Variants in LILRA6 observed in about 807,000 individuals in gnomAD.
The protein encoded by LILRA6 is leukocyte immunoglobulin-like receptor subfamily A member 6.
A neutral mutation model predicts 53.9 loss-of-function variants in LILRA6; 16 were observed. The observed-to-expected ratio is 0.30, with a 90% CI of 0.20 to 0.45. The LOEUF (loss-of-function observed/expected upper bound fraction) is 0.45. Among genes scored for constraint, LILRA6 ranks in the 20% least tolerant of loss-of-function variants. LILRA6 has a pLI of 1.00. For missense variants in LILRA6, 306 were observed against 618.6 expected (o/e 0.49, Z 5.36); for synonymous variants, 135 against 256.4 (o/e 0.53, Z 4.52).
chr19:54,240,883 G>A, exon 5 of LILRA6: 2 of 1,614,060 alleles, frequency 1.2e-6, no homozygotes, highest in Non-Finnish European at 1.7e-6. Context: ...CGGAGGAGAG[G>A]TTGTGTGCAC....
chr19:54,239,623 GCCTGAC>G lies in LILRA6; in HGVS notation c.1309+272_1309+277del, dbSNP rs2078693089. Reference sequence around the variant, plus strand: ...GACCACGAGCTCCAGGGAGTCACTGGCCTGACCCTGGGGGGTTGAGGGGCTGGTCCT... The same window carrying G: ...GACCACGAGCTCCAGGGAGTCACTGGCCTGGGGGGTTGAGGGGCTGGTCCT... On this transcript the variant is annotated intron_variant, in intron 7 of 7. Coordinates refer to ENST00000396365, the Ensembl canonical transcript of LILRA6. The G allele has an allele frequency of 2.2e-6, 3 of 1,345,608 alleles. No individual in the cohort carries two copies. The African/African-American group carries it at 4.6e-5, about 21-fold the overall frequency. The allele number at this position is 1,345,608 out of a possible 1,614,324, so 83.4% of individuals were successfully genotyped here.
At chr19:54,239,147 C>A in intron 7 of LILRA6, 58 bp from the exon 8 acceptor site, 1 of 1,603,630 alleles carries the variant, frequency 6.2e-7, no homozygotes, top group Non-Finnish European at 8.5e-7. Flanking sequence ...TCACCCAGGA[C>A]CCCTGGATGC....
chr19:54,239,401 C>T (rs2078687400), intron 7 of LILRA6: 2 of 677,854 alleles, frequency 3.0e-6, no homozygotes, highest in Non-Finnish European at 4.7e-6. Context: ...GGGCTCCCTC[C>T]AGTCTCCTCA....
chr19:54,239,174 C>A (rs188581176), intron 7 of LILRA6, 85 bp from the exon 8 acceptor site: 2 of 1,592,522 alleles, frequency 1.3e-6, no homozygotes, highest in East Asian at 2.3e-5. Flanking sequence ...CAGGGCACCC[C>A]CCATCCGCCA....
downstream of LILRA6, chr19:54,237,906 GT>G (rs1191826594): frequency 6.6e-6 from 1 of 150,642 alleles, no homozygotes; most frequent in Non-Finnish European, 1.5e-5. Flanking sequence ...TTTTATGGCT[GT>G]TGTGTAATAT....
intron 3 of LILRA6, 57 bp downstream of exon 3, chr19:54,241,969 G>T (rs77638337): frequency 0.088 from 84,848 of 969,304 alleles, 22,239 homozygotes; most frequent in South Asian, 0.2. Flanking sequence ...ACCCCTGAGA[G>T]CCGACCCCCT....
intron 7 of LILRA6, 125 bp downstream of exon 7, chr19:54,239,776 C>T (rs1428606224): frequency 1.9e-6 from 3 of 1,550,676 alleles, no homozygotes; most frequent in East Asian, 4.9e-5. Flanking sequence ...CCCCACTCTT[C>T]ACCAGCCCAG....
At chr19:54,242,118 A>G (rs1227626560) in exon 3 of LILRA6, 1 of 1,391,674 alleles carries the variant, frequency 7.2e-7, no homozygotes, top group Non-Finnish European at 9.7e-7. Flanking sequence ...GTGCTCTGTT[A>G]TGGATGGGAT....
downstream of LILRA6, chr19:54,237,033 T>A (rs1355703412): frequency 6.6e-6 from 1 of 150,414 alleles, no homozygotes; most frequent in Non-Finnish European, 1.5e-5. Flanking sequence ...TCCACATGAG[T>A]GAGAAATGAA....
chr19:54,239,435 G>T (rs1479866157), intron 7 of LILRA6: 3 of 633,928 alleles, frequency 4.7e-6, no homozygotes, highest in Non-Finnish European at 7.7e-6. Flanking sequence ...GTTTTCCTGT[G>T]TTCTATGAAT....
rs1171071510 is a variant in LILRA6, at chr19:54,239,226, G to T, written c.1310-137C>A. The stretch of plus-strand genomic sequence containing the variant: ...CTCTGTGCCCGCCCCATAACTGTCT[G>T]ACTTGTTTTGTGATGGGGTGAGGGT... On this transcript the variant is annotated intron_variant, in intron 7 of 7. Coordinates refer to ENST00000396365, the Ensembl canonical transcript of LILRA6. 5 of 1,546,590 alleles carry T rather than the reference G, an allele frequency of 3.2e-6. 1 individual carries two copies. The Admixed American group carries it at 6.1e-5, about 19-fold the overall frequency.
intron 7 of LILRA6, chr19:54,239,495 C>T: frequency 4.6e-6 from 3 of 652,466 alleles, no homozygotes; most frequent in Non-Finnish European, 7.6e-6. Context: ...CTGGATTCTC[C>T]ACCTTCACTC....
At chr19:54,238,997 C>A (rs762716461) in exon 8 of LILRA6, 9 of 1,611,326 alleles carry the variant, frequency 5.6e-6, no homozygotes, top group Non-Finnish European at 7.6e-6. Context: ...CTGTGCTGAG[C>A]CTCAAATAAC....
rs777762688 is a variant in LILRA6 at position 54,242,207 on chromosome 19, G to A, written c.174C>T (p.Tyr58=). 5.6e-6 allele frequency: 8 copies of A among 1,421,930 alleles called. 2 individuals carry two copies. The highest frequency in any genetic ancestry group is 7.6e-6 in the Non-Finnish European group (8 of 1,049,772). 88.1% of individuals were successfully genotyped at this position (1,421,930 alleles called of 1,614,324 possible). ...CTGGGCTTCCCTCTTTATCCAGTCG[G>A]TACTCCTGGGCCTCCAGGCTCCCCT... The change falls in exon 3 of 8, where the codon TAC becomes TAT. Residue 58 remains tyrosine, a synonymous_variant. Coordinates refer to ENST00000396365, the Ensembl canonical transcript of LILRA6.
At chr19:54,240,730 C>T in intron 5 of LILRA6, 101 bp downstream of exon 5, 8 of 1,588,878 alleles carry the variant, frequency 5.0e-6, no homozygotes, top group South Asian at 4.7e-5. Context: ...CTCTCCCTCC[C>T]TTGGGACCCC....
At chr19:54,240,518 T>C (rs2078727958) in exon 6 of LILRA6, 4 of 1,608,232 alleles carry the variant, frequency 2.5e-6, no homozygotes, top group South Asian at 1.1e-5. Context: ...TCACGTTCTC[T>C]CCTGAGGCCA....
chr19:54,237,508 G>C (rs1371584517), downstream of LILRA6: 1 of 150,940 alleles, frequency 6.6e-6, no homozygotes, highest in African/African-American at 2.5e-5. Flanking sequence ...AAAATTATGT[G>C]ATTTACCAAT....
Position 54,240,499 on chromosome 19 carries a change from AC to A in LILRA6, c.1032del (p.Cys345ValfsTer12). 3.7e-6 allele frequency: 6 copies of A among 1,601,378 alleles called. No individual in the cohort carries two copies. The highest frequency in any genetic ancestry group is 5.1e-6 in the Non-Finnish European group (6 of 1,175,562). Reference sequence around the variant, plus strand: ...GTGTCAAACTGCCACCATGACTGACACAGCAGGGTCACGTTCTCTCCTGAGG... The same window carrying A: ...GTGTCAAACTGCCACCATGACTGACAAGCAGGGTCACGTTCTCTCCTGAGG... On this transcript the variant is annotated frameshift_variant, in exon 6 of 8. Transcript: ENST00000396365. LOFTEE classifies it high-confidence loss of function.
chr19:54,240,799 G>C (rs2078738344), intron 5 of LILRA6, 32 bp downstream of exon 5: 2 of 1,612,292 alleles, frequency 1.2e-6, no homozygotes, highest in South Asian at 1.1e-5. Flanking sequence ...TGCAGAGCCT[G>C]GGTCCCTGAC....
Sources: gnomAD v4.1 joint callset for allele counts on GRCh38, gnomAD v4.1.1 for gene constraint, MANE v1.5 for transcripts, NCBI Gene and HGNC (gene_info 2026-07-23, HGNC 2026-07-21) for gene names.